The following EHBP1 variants were observed in gnomAD, a reference collection of about 807,000 sequenced individuals.
EHBP1 encodes EH domain-binding protein 1.
A neutral mutation model predicts 144.0 loss-of-function variants in EHBP1; 55 were observed. That is an observed-to-expected ratio of 0.38 (90% confidence interval 0.31 to 0.48). EHBP1 has a LOEUF of 0.48. Among genes scored for constraint, EHBP1 ranks in the 20% least tolerant of loss-of-function variants. The pLI is 0.98. For missense variants in EHBP1, 1,200 were observed against 1,364.2 expected, an observed-to-expected ratio of 0.88 and a Z score of 1.90; for synonymous variants, 469 against 472.7, an observed-to-expected ratio of 0.99 and a Z score of 0.10.
intron 5 of EHBP1, among the ~76,000 whole-genome samples, chr2:62,811,647 GA>G (rs1351407355): frequency 6.6e-6 from 1 of 152,146 alleles, no homozygotes; most frequent in Non-Finnish European, 1.5e-5. Context: ...GAAGTTGAGT[GA>G]AAAGTACCCA....
At chr2:62,913,876 A>G (rs1202025508) in intron 10 of EHBP1, among the ~76,000 whole-genome samples, 3 of 152,202 alleles carry the variant, frequency 2.0e-5, no homozygotes, top group Non-Finnish European at 4.4e-5. Context: ...TGAACATTGT[A>G]TATGATTTTC....
intron 2 of EHBP1, among the ~76,000 whole-genome samples, chr2:62,730,757 A>G (rs62177755): frequency 1.4e-4 from 16 of 110,956 alleles, no homozygotes; most frequent in African/African-American, 3.8e-4. Flanking sequence ...GAGAGAAAGA[A>G]AGAGAGAGAC....
chr2:62,702,502 T>C (rs568820451), upstream of EHBP1, among the ~76,000 whole-genome samples: 39 of 152,258 alleles, frequency 2.6e-4, no homozygotes, highest in Non-Finnish European at 4.9e-4. Flanking sequence ...AAGAAAAGGG[T>C]AACTTCTAGC....
At chr2:62,939,235 T>A (rs1190388432) in intron 10 of EHBP1, among the ~76,000 whole-genome samples, 1 of 151,932 alleles carries the variant, frequency 6.6e-6, no homozygotes, top group African/African-American at 2.4e-5. Flanking sequence ...GATTCAGGAG[T>A]GCTGAATTGG....
chr2:62,734,325 T>A (rs1199356990), intron 2 of EHBP1, among the ~76,000 whole-genome samples: 2 of 151,344 alleles, frequency 1.3e-5, no homozygotes, highest in Non-Finnish European at 2.9e-5. Context: ...TTTCCTTTTT[T>A]AAAAAAAACA....
intron 10 of EHBP1, among the ~76,000 whole-genome samples, chr2:62,885,182 C>T (rs1464645676): frequency 6.6e-6 from 1 of 152,144 alleles, no homozygotes; most frequent in Non-Finnish European, 1.5e-5. Flanking sequence ...GATTTCTCCA[C>T]CTATTGCCTG....
chr2:62,846,805 A>G (rs933506351), intron 7 of EHBP1, among the ~76,000 whole-genome samples: 3 of 152,220 alleles, frequency 2.0e-5, no homozygotes, highest in African/African-American at 7.2e-5. Flanking sequence ...TAAAAAGTAT[A>G]ATACATTACT....
At chr2:62,962,069 A>C (rs2058029803) in intron 14 of EHBP1, among the ~76,000 whole-genome samples, 2 of 152,220 alleles carry the variant, frequency 1.3e-5, no homozygotes, top group Admixed American at 1.3e-4. Flanking sequence ...CCACGCCTGT[A>C]ATCCCAATGC....
At chr2:62,802,655 T>C (rs1473895521) in intron 5 of EHBP1, among the ~76,000 whole-genome samples, 2 of 152,004 alleles carry the variant, frequency 1.3e-5, no homozygotes, top group African/African-American at 4.8e-5. Context: ...TAAAATGATA[T>C]TACACACACA....
intron 10 of EHBP1, among the ~76,000 whole-genome samples, chr2:62,906,760 A>G (rs908971558): frequency 1.6e-4 from 25 of 152,226 alleles, no homozygotes; most frequent in African/African-American, 5.5e-4. Context: ...CCACAAGGAT[A>G]CCTGGAGTTG....
At chr2:62,740,826 G>A (rs1055043147) in intron 2 of EHBP1, among the ~76,000 whole-genome samples, 3 of 152,042 alleles carry the variant, frequency 2.0e-5, no homozygotes, top group African/African-American at 7.2e-5. Context: ...TTGACATAGT[G>A]ATTTCCTACA....
At chr2:62,676,343 C>T (rs1166412146) in intron 1 of EHBP1, among the ~76,000 whole-genome samples, 1 of 152,204 alleles carries the variant, frequency 6.6e-6, no homozygotes, top group Non-Finnish European at 1.5e-5. Flanking sequence ...TTAAAAGTTA[C>T]TCATTTAAGT....
At chr2:62,889,409 C>T (rs1399224872) in intron 10 of EHBP1, among the ~76,000 whole-genome samples, 1 of 152,108 alleles carries the variant, frequency 6.6e-6, no homozygotes, top group East Asian at 1.9e-4. Flanking sequence ...TTAATTAAAT[C>T]CCATTTGTCA....
intron 5 of EHBP1, among the ~76,000 whole-genome samples, chr2:62,810,439 A>G (rs1018437766): frequency 2.6e-5 from 4 of 152,182 alleles, no homozygotes; most frequent in Admixed American, 6.5e-5. Flanking sequence ...GGAGAGATTT[A>G]GCAGTTAGAG....
chr2:62,937,159 T>G (rs753090176), intron 10 of EHBP1, among the ~76,000 whole-genome samples: 1 of 152,170 alleles, frequency 6.6e-6, no homozygotes, highest in Non-Finnish European at 1.5e-5. Context: ...CTGAAGACAA[T>G]AAGAAGTTGA....
At chr2:63,027,056 G>T (rs2061012094) in intron 19 of EHBP1, among the ~76,000 whole-genome samples, 1 of 152,206 alleles carries the variant, frequency 6.6e-6, no homozygotes, top group East Asian at 1.9e-4. Context: ...GATTACCTGT[G>T]AGTCCTTAAG....
intron 10 of EHBP1, among the ~76,000 whole-genome samples, chr2:62,931,710 C>G (rs1462436744): frequency 6.6e-6 from 1 of 152,200 alleles, no homozygotes; most frequent in Non-Finnish European, 1.5e-5. Context: ...CCCTCTTCTT[C>G]CGTGCAGGAT....
chr2:63,012,436 C>T (rs2060306740), intron 19 of EHBP1, among the ~76,000 whole-genome samples: 1 of 151,900 alleles, frequency 6.6e-6, no homozygotes, highest in Non-Finnish European at 1.5e-5. Flanking sequence ...TGATTCTAAG[C>T]AAAATATATA....
intron 5 of EHBP1, among the ~76,000 whole-genome samples, chr2:62,802,047 A>G (rs2044031321): frequency 6.6e-6 from 1 of 152,190 alleles, no homozygotes; most frequent in Non-Finnish European, 1.5e-5. Context: ...CTGTTTAACC[A>G]CTCTGAACAC....
Sources: allele counts gnomAD v4.1 joint callset (sites outside exome capture counted in the v4.1 genomes callset), GRCh38; gene constraint gnomAD v4.1.1; transcripts MANE v1.5; gene names NCBI Gene and HGNC (gene_info 2026-07-23, HGNC 2026-07-21).